Variants in PAM observed in about 807,000 individuals in gnomAD.
PAM encodes peptidylglycine alpha-amidating monooxygenase.
A neutral mutation model predicts 122.1 loss-of-function variants in PAM; 72 were observed. The observed-to-expected ratio is 0.59, with a 90% CI of 0.49 to 0.72. PAM has a LOEUF of 0.72. Among genes scored for constraint, PAM ranks in the 30% least tolerant of loss-of-function variants. PAM has a pLI of 0.00. For synonymous variants in PAM, 389 were observed against 404.4 expected (o/e 0.96, Z 0.46); for missense variants, 1,106 against 1,183.7 (o/e 0.93, Z 0.96).
chr5:102,972,179 T>C (rs559798153), intron 14 of PAM, among the ~76,000 whole-genome samples: 4 of 152,296 alleles, frequency 2.6e-5, no homozygotes, highest in South Asian at 4.1e-4. Flanking sequence ...ACACAGAGGT[T>C]GCAGTGAGCC....
chr5:102,914,917 C>T (rs1436637502), intron 5 of PAM, among the ~76,000 whole-genome samples: 2 of 152,000 alleles, frequency 1.3e-5, no homozygotes, highest in Admixed American at 1.3e-4. Flanking sequence ...AATCAGTAAA[C>T]CTCTATTAAA....
At chr5:102,792,915 G>A (rs1227398605) in intron 1 of PAM, among the ~76,000 whole-genome samples, 1 of 152,156 alleles carries the variant, frequency 6.6e-6, no homozygotes, top group Non-Finnish European at 1.5e-5. Flanking sequence ...ACAGTAGCAC[G>A]TAAGTTCAGA....
chr5:102,921,576 A>AT (rs1747467375), intron 5 of PAM, among the ~76,000 whole-genome samples: 6 of 152,010 alleles, frequency 3.9e-5, no homozygotes, highest in Admixed American at 3.9e-4. Context: ...AGTTTAATAT[A>AT]TTTTTTATTG....
rs183539364 is a variant in PAM, at chr5:102,992,546, C to G, written c.1613+2145C>G. Among the ~76,000 whole-genome samples, 345 of 152,156 alleles carry G rather than the reference C, an allele frequency of 2.3e-3. 1 individual carries two copies. The highest frequency in any genetic ancestry group is 3.8e-3 in the Non-Finnish European group (259 of 67,980). ...GAACAAATTAGATTCAGGCTCCATT[C>G]TTTGAATGGTAATGCATGGCCATCA... On this transcript the variant is annotated intron_variant, in intron 16 of 25. Transcript: ENST00000438793.
intron 3 of PAM, among the ~76,000 whole-genome samples, chr5:102,870,187 G>A (rs957394652): frequency 6.6e-6 from 1 of 151,796 alleles, no homozygotes; most frequent in Non-Finnish European, 1.5e-5. Context: ...GGAATTGAGA[G>A]ACATCATGTT....
chr5:103,000,530 A>G (rs948734658), intron 16 of PAM, among the ~76,000 whole-genome samples: 2 of 152,088 alleles, frequency 1.3e-5, no homozygotes, highest in Admixed American at 6.6e-5. Flanking sequence ...GCAGCACCCT[A>G]TTTCTGGTAC....
At chr5:102,962,370 A>G (rs1762758909) in intron 14 of PAM, among the ~76,000 whole-genome samples, 1 of 151,882 alleles carries the variant, frequency 6.6e-6, no homozygotes, top group East Asian at 1.9e-4. Flanking sequence ...TAAGCCAGTA[A>G]TAGCAGCCTA....
chr5:102,936,148 T>C (rs765886999), intron 7 of PAM, among the ~76,000 whole-genome samples: 16 of 152,128 alleles, frequency 1.1e-4, no homozygotes, highest in Non-Finnish European at 1.9e-4. Flanking sequence ...CAAAGTGTTA[T>C]TTTACTGCTA....
chr5:103,008,676 G>A (rs1779755457), intron 20 of PAM, among the ~76,000 whole-genome samples: 1 of 152,060 alleles, frequency 6.6e-6, no homozygotes, highest in African/African-American at 2.4e-5. Context: ...AGGGACTCAG[G>A]TGATTGATAG....
At chr5:102,939,103 A>G (rs1754228354) in intron 7 of PAM, among the ~76,000 whole-genome samples, 1 of 152,174 alleles carries the variant, frequency 6.6e-6, no homozygotes, top group Admixed American at 6.6e-5. Flanking sequence ...TTTGATGAAA[A>G]CCATTCAAAT....
intron 14 of PAM, among the ~76,000 whole-genome samples, chr5:102,968,395 C>T (rs1351570052): frequency 2.6e-5 from 4 of 152,050 alleles, no homozygotes; most frequent in Non-Finnish European, 4.4e-5. Context: ...TAGTACTGTA[C>T]CTTTTGTTTC....
rs145237128 is a variant in PAM, at chr5:102,879,293, G to C, written c.210+11900G>C. On this transcript the variant is annotated intron_variant, in intron 3 of 25. Coordinates refer to ENST00000438793, the MANE Select transcript of PAM (RefSeq NM_001177306.2). ...TACAGTGTTTATAAAGTCTACAGTAGTGTACAGTAATGTCCTAGGCCTTCA... is the reference window on the plus strand; with the variant it reads ...TACAGTGTTTATAAAGTCTACAGTACTGTACAGTAATGTCCTAGGCCTTCA... Among the ~76,000 whole-genome samples the C allele has an allele frequency of 1.4e-3, 208 of 152,234 alleles. 2 individuals are homozygous for C. Among genetic ancestry groups the C allele is most frequent in the Middle Eastern group, 3.4e-3 (1 of 294 alleles).
chr5:102,812,118 A>G (rs1768111088), intron 1 of PAM, among the ~76,000 whole-genome samples: 1 of 152,194 alleles, frequency 6.6e-6, no homozygotes, highest in Non-Finnish European at 1.5e-5. Context: ...ACTGTCGTTT[A>G]TGGATCTGGC....
intron 1 of PAM, among the ~76,000 whole-genome samples, chr5:102,779,418 G>T (rs540854396): frequency 3.4e-4 from 51 of 152,202 alleles, no homozygotes; most frequent in Admixed American, 1.5e-3. Flanking sequence ...ATAACAGTAT[G>T]TGTGACAGCT....
At chr5:102,849,439 T>C (rs1013952765) in intron 1 of PAM, among the ~76,000 whole-genome samples, 1 of 151,090 alleles carries the variant, frequency 6.6e-6, no homozygotes, top group Non-Finnish European at 1.5e-5. Context: ...GCACCTGTAG[T>C]CCCAGCTACT....
intron 11 of PAM, 90 bp downstream of exon 11, chr5:102,950,068 T>G (rs904464792): frequency 5.5e-6 from 4 of 725,298 alleles, no homozygotes; most frequent in Non-Finnish European, 9.8e-6. Context: ...CTTGTGAATT[T>G]CTCTAAAAAT....
chr5:102,819,826 A>C (rs1424500913), intron 1 of PAM, among the ~76,000 whole-genome samples: 1 of 152,188 alleles, frequency 6.6e-6, no homozygotes, highest in Non-Finnish European at 1.5e-5. Flanking sequence ...ATTAAAACAC[A>C]GATGGAGCTC....
At chr5:103,010,011 C>A in intron 21 of PAM, 145 bp downstream of exon 21, 1 of 328,616 alleles carries the variant, frequency 3.0e-6, no homozygotes, top group Non-Finnish European at 5.5e-6. Flanking sequence ...TGGGAGTGTT[C>A]TATTTTATTT....
chr5:102,802,221 T>G (rs1764972047), intron 1 of PAM, among the ~76,000 whole-genome samples: 1 of 152,180 alleles, frequency 6.6e-6, no homozygotes, highest in African/African-American at 2.4e-5. Flanking sequence ...AATCATGAAA[T>G]GTTGAAGTAA....
Sources: gnomAD v4.1 joint callset for allele counts (sites outside exome capture counted in the v4.1 genomes callset) on GRCh38, gnomAD v4.1.1 for gene constraint, MANE v1.5 for transcripts, NCBI Gene and HGNC (gene_info 2026-07-23, HGNC 2026-07-21) for gene names.